The following ALAD variants were observed in gnomAD, a reference collection of about 807,000 sequenced individuals.
ALAD encodes the protein aminolevulinate dehydratase, also known as delta-aminolevulinic acid dehydratase.
A neutral mutation model predicts 44.4 loss-of-function variants in ALAD; 20 were observed. That is an observed-to-expected ratio of 0.45 (90% CI 0.32 to 0.65). ALAD has a LOEUF of 0.65. ALAD is among the 30% of genes least tolerant of loss of function. The probability of loss-of-function intolerance (pLI) is 0.05; values close to 1 mark genes in which losing one functional copy is unlikely to be tolerated. For missense variants in ALAD, 323 were observed against 445.7 expected (o/e 0.72, Z 2.48); for synonymous variants, 156 against 167.9 (o/e 0.93, Z 0.55).
Position 113,390,925 on chromosome 9 carries a change from C to A in ALAD, c.270G>T (p.Arg90=). The part of the protein sequence containing the change: ...GVPSRVPKDE[R]GSAADSEESP... ...ACTCCTCGGAGTCAGCTGCGGAACC[C>A]CGCTCGTCCTAGGGGCAGGGGAGGG... The change falls in exon 5 of 12, where the codon CGG becomes CGT. Residue 90 remains arginine, a synonymous_variant. Coordinates refer to ENST00000409155, the MANE Select transcript of ALAD (RefSeq NM_000031.6). 6.2e-7 allele frequency: 1 copy of A among 1,614,080 alleles called. No homozygotes were observed. The highest frequency in any genetic ancestry group is 8.5e-7 in the Non-Finnish European group (1 of 1,180,006).
Position 113,392,181 on chromosome 9 carries a change from G to A in ALAD, c.114-12C>T, listed in dbSNP as rs756672518. ...CATCAGGAACATCCCTGCAAGAGCG[G>A]GGGTGGGATATGGATTGGTAGCTGT... On this transcript the variant is annotated splice_polypyrimidine_tract_variant and intron_variant, in intron 2 of 11. Coordinates refer to ENST00000409155, the MANE Select transcript of ALAD (RefSeq NM_000031.6). 11 of 1,613,966 alleles carry A rather than the reference G, an allele frequency of 6.8e-6. No individual in the cohort carries two copies. The highest frequency in any genetic ancestry group is 9.3e-6 in the Non-Finnish European group (11 of 1,179,936).
intron 2 of ALAD, chr9:113,393,157 A>C: frequency 2.2e-6 from 1 of 456,660 alleles, no homozygotes; most frequent in Admixed American, 3.4e-5. Flanking sequence ...AGCACTTTAC[A>C]ATGTACAGAG....
At chr9:113,391,701 CCT>C in intron 3 of ALAD, 78 bp from the exon 4 acceptor site, 1 of 1,228,064 alleles carries the variant, frequency 8.1e-7, no homozygotes, top group Non-Finnish European at 1.2e-6. Context: ...ACACTGTGTG[CCT>C]CTGTTAGAAA....
At position 113,389,598 on chromosome 9, in the gene ALAD, C is replaced by T; in HGVS notation, c.714+1G>A. ...GTGGGGCTCAAGTCCTAGTCACTCACCACAGCTCGGAGAGCCAGGCCTCGT... is the reference window on the plus strand; with the variant it reads ...GTGGGGCTCAAGTCCTAGTCACTCATCACAGCTCGGAGAGCCAGGCCTCGT... On this transcript the variant is annotated splice_donor_variant, in intron 9 of 11. Transcript: ENST00000409155. LOFTEE classifies it high-confidence loss of function. The T allele has an allele frequency of 1.2e-6, 2 of 1,614,164 alleles. No individual in the cohort carries two copies. Among genetic ancestry groups the T allele is most frequent in the Non-Finnish European group, 1.7e-6 (2 of 1,180,038 alleles).
chr9:113,388,970 T>G lies in ALAD; in HGVS notation c.931+7A>C. On this transcript the variant is annotated splice_region_variant and intron_variant, in intron 11 of 11. Transcript: ENST00000409155. Reference sequence around the variant, plus strand: ...CAGGTCAAAACACCCCACCCTTGCCTGCCTACCTGCTCTGCGGAAGGCAGT... The same window carrying G: ...CAGGTCAAAACACCCCACCCTTGCCGGCCTACCTGCTCTGCGGAAGGCAGT... 1 of 1,613,818 alleles carries G rather than the reference T, an allele frequency of 6.2e-7. No homozygotes were observed. The highest frequency in any genetic ancestry group is 8.5e-7 in the Non-Finnish European group (1 of 1,180,026).
rs936305773 is a variant in ALAD at position 113,388,086 on chromosome 9, C to T, written c.*214G>A. 22 of 613,134 alleles carry T rather than the reference C, an allele frequency of 3.6e-5. No homozygotes were observed. The highest frequency in any genetic ancestry group is 2.5e-4 in the Admixed American group (11 of 43,978). The allele number at this position is 613,134 out of a possible 1,614,324, so 38.0% of individuals were successfully genotyped here. ...CCTCACGGCTGACCCAGGGGAGGGG[C>T]GGGGAAGCTTGGGAGAGCTCATAGG... On this transcript the variant is annotated 3_prime_UTR_variant, in exon 12 of 12. Transcript: ENST00000409155.
chr9:113,399,983 T>A (rs776963018), intron 1 of ALAD, among the ~76,000 whole-genome samples: 16 of 152,228 alleles, frequency 1.1e-4, no homozygotes, highest in Non-Finnish European at 1.8e-4. Context: ...ATATCTACTA[T>A]GGGCCTGCTG....
chr9:113,392,917 AC>A (rs1183183879), intron 2 of ALAD, among the ~76,000 whole-genome samples: 1 of 145,168 alleles, frequency 6.9e-6, no homozygotes, highest in Non-Finnish European at 1.5e-5. Flanking sequence ...TCCCGGGTTC[AC>A]GCCATTCTCC....
At chr9:113,401,137 T>TG (rs1483441964) in intron 1 of ALAD, 75 bp downstream of exon 1, 1 of 152,496 alleles carries the variant, frequency 6.6e-6, no homozygotes, top group Non-Finnish European at 1.5e-5. Flanking sequence ...GCAGGACTCT[T>TG]GGTGCCACAG....
intron 7 of ALAD, 140 bp from the exon 8 acceptor site, chr9:113,389,968 C>T: frequency 1.0e-6 from 1 of 995,828 alleles, no homozygotes; most frequent in Non-Finnish European, 1.5e-6. Flanking sequence ...GCTTGATTTC[C>T]CTGCAGAGGC....
Position 113,390,397 on chromosome 9 carries a change from GC to G in ALAD, c.570+7del. 1 of 1,613,686 alleles carries G rather than the reference GC, an allele frequency of 6.2e-7. No homozygotes were observed. The highest frequency in any genetic ancestry group is 8.5e-7 in the Non-Finnish European group (1 of 1,179,824). ...CTGCCAGCCCTGTGCTGCATTCCCT[GC>G]CCTTACCCTGTTGCCAAGTCCATGT... On this transcript the variant is annotated splice_region_variant and intron_variant, in intron 7 of 11. Coordinates refer to ENST00000409155, the MANE Select transcript of ALAD (RefSeq NM_000031.6).
At chr9:113,399,467 G>GGTT (rs1419982490) in intron 1 of ALAD, among the ~76,000 whole-genome samples, 10 of 152,192 alleles carry the variant, frequency 6.6e-5, no homozygotes, top group African/African-American at 2.4e-4. Context: ...CCTTCCAGCA[G>GGTT]GTTATGTGGT....
Position 113,390,340 on chromosome 9 carries a change from G to A in ALAD, c.570+65C>T, listed in dbSNP as rs1244939672. ...CCCGGCAGTTCTGTGATTCTTAGCA[G>A]ACACGGGGGCAGGGCTGGTGCAGAC... On this transcript the variant is annotated intron_variant, in intron 7 of 11. Transcript: ENST00000409155. 5 of 1,531,622 alleles carry A rather than the reference G, an allele frequency of 3.3e-6. No homozygotes were observed. In the African/African-American group the frequency reaches 6.8e-5, roughly 21 times the overall value. The allele number at this position is 1,531,622 out of a possible 1,614,324, so 94.9% of individuals were successfully genotyped here.
intron 7 of ALAD, 25 bp downstream of exon 7, chr9:113,390,380 C>T (rs1353238986): frequency 6.8e-6 from 11 of 1,610,990 alleles, no homozygotes; most frequent in Non-Finnish European, 9.3e-6. Flanking sequence ...TCCTGCCAGC[C>T]CTGTGCTGCA....
At chr9:113,398,761 C>T (rs1448036070) in intron 1 of ALAD, among the ~76,000 whole-genome samples, 1 of 152,176 alleles carries the variant, frequency 6.6e-6, no homozygotes, top group Non-Finnish European at 1.5e-5. Context: ...GCTTCTATTT[C>T]AGTGCCCTGA....
chr9:113,388,359 C>A lies in ALAD; in HGVS notation c.934G>T (p.Ala312Ser). The A allele has an allele frequency of 6.2e-7, 1 of 1,614,028 alleles. No individual in the cohort carries two copies. Among genetic ancestry groups the A allele is most frequent in the Non-Finnish European group, 8.5e-7 (1 of 1,180,020 alleles). ...GTGTAGTAGGTGATGATGATGTCAGCACCTGTGTTGGGAGAGATGCAGAAA... is the reference window on the plus strand; with the variant it reads ...GTGTAGTAGGTGATGATGATGTCAGAACCTGTGTTGGGAGAGATGCAGAAA... ...EAMTAFRRAG[A>S]DIIITYYTPQ... is the part of the protein sequence containing the mutation. The change falls in exon 12 of 12, where the codon GCT becomes TCT. Residue 312 changes from alanine (A) to serine (S), a missense_variant and splice_region_variant. By Grantham distance (99) the Ala-to-Ser change is moderately conservative. Coordinates refer to ENST00000409155, the MANE Select transcript of ALAD (RefSeq NM_000031.6).
At chr9:113,389,415 C>T in intron 10 of ALAD, 23 bp downstream of exon 10, 5 of 1,612,250 alleles carry the variant, frequency 3.1e-6, no homozygotes, top group Non-Finnish European at 3.4e-6. Flanking sequence ...CCTGAGCCCC[C>T]TTTGCCTCGT....
chr9:113,392,974 C>T (rs985561387), intron 2 of ALAD, among the ~76,000 whole-genome samples: 5 of 152,072 alleles, frequency 3.3e-5, no homozygotes, highest in Non-Finnish European at 7.4e-5. Context: ...CCCGCCACCA[C>T]GCCTGGCTAA....
At chr9:113,390,378 G>C (rs781169931) in intron 7 of ALAD, 27 bp downstream of exon 7, 1 of 1,608,570 alleles carries the variant, frequency 6.2e-7, no homozygotes, top group Admixed American at 1.7e-5. Flanking sequence ...TCTCCTGCCA[G>C]CCCTGTGCTG....
Sources: allele counts gnomAD v4.1 joint callset (sites outside exome capture counted in the v4.1 genomes callset), GRCh38; gene constraint gnomAD v4.1.1; transcripts MANE v1.5; gene names NCBI Gene and HGNC (gene_info 2026-07-23, HGNC 2026-07-21).